ST8SIA1: variants seen among roughly 807,000 people sequenced by gnomAD.
ST8SIA1 encodes the protein ST8 alpha-N-acetyl-neuraminide alpha-2,8-sialyltransferase 1, also known as alpha-N-acetylneuraminide alpha-2,8-sialyltransferase.
ST8SIA1 carries 16 observed loss-of-function variants against 35.9 expected under a neutral mutation model. That is an observed-to-expected ratio of 0.45 (90% CI 0.30 to 0.68). The LOEUF is 0.68. ST8SIA1 is among the 30% of genes least tolerant of loss of function. The pLI is 0.09. For synonymous variants in ST8SIA1, 170 were observed against 169.6 expected, an observed-to-expected ratio of 1.00 and a Z score of -0.02; for missense variants, 383 against 453.6, an observed-to-expected ratio of 0.84 and a Z score of 1.41.
intron 1 of ST8SIA1, chr12:22,324,332 A>G (rs1247168221): frequency 1.3e-5 from 2 of 152,218 alleles, no homozygotes; most frequent in Admixed American, 1.3e-4. Flanking sequence ...GAAAAGATTA[A>G]TTCTAGAAAT....
intron 4 of ST8SIA1, among the ~76,000 whole-genome samples, chr12:22,232,438 T>G (rs1865430977): frequency 6.6e-6 from 1 of 152,208 alleles, no homozygotes. Context: ...GGAGTTTCCA[T>G]TTCTTTGAGA....
intron 1 of ST8SIA1, among the ~76,000 whole-genome samples, chr12:22,330,107 T>C (rs977246577): frequency 1.4e-4 from 22 of 152,268 alleles, no homozygotes; most frequent in Admixed American, 7.8e-4. Context: ...CGCCTTGATC[T>C]TTGCTGTTCT....
At position 22,260,833 on chromosome 12, in the gene ST8SIA1, T is replaced by A. The variant is rs543554015; in HGVS notation, c.382-5444A>T. 1.5e-4 allele frequency among the ~76,000 whole-genome samples: 23 copies of A among 151,898 alleles called. No homozygotes were observed. The East Asian group carries it at 4.0e-3, about 27-fold the overall frequency. ...ACCACTGTAGTATTTAGTCTATATT[T>A]GTGTGAGATATTTTCAATTTCAAAG... is the stretch of plus-strand genomic sequence containing the variant. On this transcript the variant is annotated intron_variant, in intron 2 of 4. Coordinates refer to ENST00000396037, the MANE Select transcript of ST8SIA1 (RefSeq NM_003034.4).
intron 1 of ST8SIA1, among the ~76,000 whole-genome samples, chr12:22,331,786 T>A (rs1344344768): frequency 6.6e-6 from 1 of 152,084 alleles, no homozygotes; most frequent in Non-Finnish European, 1.5e-5. Flanking sequence ...GGGAGAGGGG[T>A]AGGGACCAAT....
rs1339850321 is a variant in ST8SIA1 at position 22,220,377 on chromosome 12, A to G, written c.585-18339T>C. Among the ~76,000 whole-genome samples the G allele has an allele frequency of 2.0e-5, 3 of 152,354 alleles. No homozygotes were observed. In the East Asian group the frequency reaches 5.8e-4, roughly 29 times the overall value. ...TATGTTTGGCAGAGGGACAGTGTTT[A>G]ATAAATGCATATTGAATAAGAGAGA... On this transcript the variant is annotated intron_variant, in intron 4 of 4. Coordinates refer to ENST00000396037, the MANE Select transcript of ST8SIA1 (RefSeq NM_003034.4).
chr12:22,296,226 C>G (rs376234613), intron 1 of ST8SIA1, among the ~76,000 whole-genome samples: 92 of 152,258 alleles, frequency 6.0e-4, no homozygotes, highest in African/African-American at 2.2e-3. Context: ...GAGGCTCACA[C>G]AGGGTTGGGT....
chr12:22,318,466 T>C (rs192875929), intron 1 of ST8SIA1, among the ~76,000 whole-genome samples: 107 of 152,248 alleles, frequency 7.0e-4, no homozygotes, highest in Admixed American at 1.7e-3. Flanking sequence ...GAGAGCTAGA[T>C]AGTTAAGAGA....
At chr12:22,295,387 T>C (rs766814257) in intron 1 of ST8SIA1, among the ~76,000 whole-genome samples, 4 of 152,054 alleles carry the variant, frequency 2.6e-5, no homozygotes, top group Non-Finnish European at 5.9e-5. Flanking sequence ...AATGTAAGTT[T>C]TACAGGATAT....
chr12:22,227,521 G>A (rs959081705), intron 4 of ST8SIA1, among the ~76,000 whole-genome samples: 4 of 152,072 alleles, frequency 2.6e-5, no homozygotes, highest in Middle Eastern at 3.4e-3. Context: ...GCAGTTAGCC[G>A]AGATCGTGCC....
chr12:22,261,215 G>A (rs1591837887), intron 2 of ST8SIA1, among the ~76,000 whole-genome samples: 2 of 152,122 alleles, frequency 1.3e-5, no homozygotes, highest in Non-Finnish European at 2.9e-5. Flanking sequence ...CGCAATCTTG[G>A]CTCACTGCAA....
chr12:22,299,240 G>A (rs1039678664), intron 1 of ST8SIA1, among the ~76,000 whole-genome samples: 1 of 151,958 alleles, frequency 6.6e-6, no homozygotes, highest in Non-Finnish European at 1.5e-5. Context: ...TTTTTAAAGA[G>A]GTGAACAATT....
intron 4 of ST8SIA1, among the ~76,000 whole-genome samples, chr12:22,214,684 A>C (rs189937047): frequency 9.2e-5 from 14 of 152,310 alleles, no homozygotes; most frequent in Admixed American, 3.3e-4. Context: ...AACATATAAT[A>C]GATAGGGCCT....
intron 4 of ST8SIA1, among the ~76,000 whole-genome samples, chr12:22,215,388 A>G (rs985078752): frequency 2.0e-4 from 31 of 152,214 alleles, no homozygotes; most frequent in African/African-American, 7.2e-4. Context: ...GGATGTAGCA[A>G]TGAACAATGC....
intron 1 of ST8SIA1, among the ~76,000 whole-genome samples, chr12:22,299,429 A>C (rs1490666754): frequency 6.6e-6 from 1 of 152,162 alleles, no homozygotes; most frequent in East Asian, 1.9e-4. Context: ...TCTTAGAATA[A>C]AAGGTCTGGT....
intron 1 of ST8SIA1, among the ~76,000 whole-genome samples, chr12:22,299,172 T>C (rs1866285860): frequency 6.6e-6 from 1 of 152,124 alleles, no homozygotes; most frequent in Middle Eastern, 3.2e-3. Context: ...TTTCATTATT[T>C]GGGTATTTTC....
At position 22,334,336 on chromosome 12, in the gene ST8SIA1, T is replaced by A; in HGVS notation, c.-104A>T. On this transcript the variant is annotated 5_prime_UTR_variant, in exon 1 of 5. In the 5' UTR this introduces an upstream ATG that the reference lacks. Transcript: ENST00000396037. The stretch of plus-strand genomic sequence containing the variant: ...CGCCAGCCCCCCATGCACACACACC[T>A]TTGGTTCTCTTACTTGCAAACGCAC... 1.2e-6 allele frequency: 1 copy of A among 813,998 alleles called. No homozygotes were observed. The highest frequency in any genetic ancestry group is 1.7e-5 in the South Asian group (1 of 59,362). The allele number at this position is 813,998 out of a possible 1,614,324, so 50.4% of individuals were successfully genotyped here.
chr12:22,204,397 C>T (rs540397859), intron 4 of ST8SIA1, among the ~76,000 whole-genome samples: 4 of 152,252 alleles, frequency 2.6e-5, no homozygotes, highest in Admixed American at 6.5e-5. Flanking sequence ...ATGCTCATAC[C>T]GTTCCCAGTG....
intron 2 of ST8SIA1, among the ~76,000 whole-genome samples, chr12:22,277,915 G>A (rs1185715356): frequency 1.3e-5 from 2 of 152,208 alleles, no homozygotes; most frequent in East Asian, 1.9e-4. Flanking sequence ...ACAGAATTGT[G>A]AGCATGTAAA....
intron 3 of ST8SIA1, among the ~76,000 whole-genome samples, chr12:22,249,412 G>C (rs186682678): frequency 2.6e-4 from 39 of 152,094 alleles, no homozygotes; most frequent in Admixed American, 1.6e-3. Context: ...AGTAGAGACG[G>C]AGTTTCACCG....
Sources: gnomAD v4.1 joint callset for allele counts (sites outside exome capture counted in the v4.1 genomes callset) on GRCh38, gnomAD v4.1.1 for gene constraint, MANE v1.5 for transcripts, NCBI Gene and HGNC (gene_info 2026-07-23, HGNC 2026-07-21) for gene names.